The following BICD1 variants were observed in gnomAD, a reference collection of about 807,000 sequenced individuals.
BICD1 encodes the protein BICD cargo adaptor 1.
Under a neutral mutation model 92.5 loss-of-function variants are expected in BICD1, and 35 were observed. That is an observed-to-expected ratio of 0.38 (90% CI 0.29 to 0.50). The LOEUF is 0.50. Among genes scored for constraint, BICD1 ranks in the 20% least tolerant of loss-of-function variants. The pLI, the probability that BICD1 is intolerant of heterozygous loss-of-function variation, is 0.93. For synonymous variants in BICD1, 429 were observed against 465.1 expected, an observed-to-expected ratio of 0.92 and a Z score of 1.00; for missense variants, 950 against 1,189.8, an observed-to-expected ratio of 0.80 and a Z score of 2.97.
At chr12:32,121,763 A>T (rs1942158312) in intron 1 of BICD1, among the ~76,000 whole-genome samples, 1 of 151,466 alleles carries the variant, frequency 6.6e-6, no homozygotes, top group African/African-American at 2.4e-5. Context: ...AAGAAAACCT[A>T]CGGTTAATGA....
chr12:32,231,962 C>G (rs932126135), intron 2 of BICD1, among the ~76,000 whole-genome samples: 21 of 151,156 alleles, frequency 1.4e-4, no homozygotes, highest in Admixed American at 6.6e-5. Context: ...GTATGTGTGC[C>G]ACATTTTCTT....
At chr12:32,260,507 G>A (rs923944489) in intron 2 of BICD1, among the ~76,000 whole-genome samples, 3 of 152,156 alleles carry the variant, frequency 2.0e-5, no homozygotes, top group Non-Finnish European at 4.4e-5. Flanking sequence ...GCATGTGTGT[G>A]TGTCTGCATT....
At chr12:32,125,915 G>A (rs1418324807) in intron 1 of BICD1, among the ~76,000 whole-genome samples, 2 of 151,806 alleles carry the variant, frequency 1.3e-5, no homozygotes, top group Non-Finnish European at 2.9e-5. Context: ...CAGACATGGT[G>A]GCACACACTT....
chr12:32,114,980 A>G (rs1312900381), intron 1 of BICD1, among the ~76,000 whole-genome samples: 2 of 151,948 alleles, frequency 1.3e-5, no homozygotes, highest in African/African-American at 4.8e-5. Context: ...TTGAAGATGC[A>G]TTAGCATTTT....
chr12:32,340,667 G>A (rs1195321357), intron 8 of BICD1: 1 of 338,472 alleles, frequency 3.0e-6, no homozygotes, highest in African/African-American at 2.2e-5. Context: ...ACTTTATATT[G>A]TTATCATTAC....
At chr12:32,225,287 A>G (rs146926283) in intron 2 of BICD1, among the ~76,000 whole-genome samples, 1 of 152,324 alleles carries the variant, frequency 6.6e-6, no homozygotes, top group East Asian at 1.9e-4. Context: ...ATGTGTCAAT[A>G]GTTTGTTCCT....
At chr12:32,252,644 G>A (rs1046581562) in intron 2 of BICD1, among the ~76,000 whole-genome samples, 44 of 152,100 alleles carry the variant, frequency 2.9e-4, no homozygotes, top group African/African-American at 9.4e-4. Context: ...ATTTGCATCC[G>A]TGATGAGGTG....
chr12:32,300,692 G>T (rs1948018480), intron 3 of BICD1, among the ~76,000 whole-genome samples: 1 of 133,114 alleles, frequency 7.5e-6, no homozygotes, highest in Admixed American at 9.0e-5. Flanking sequence ...TGCCCAGGCT[G>T]GAGTGCAGTG....
chr12:32,295,547 C>T (rs1162106877), intron 3 of BICD1, among the ~76,000 whole-genome samples: 2 of 149,892 alleles, frequency 1.3e-5, no homozygotes, highest in Admixed American at 6.6e-5. Context: ...TTGGTATCTA[C>T]ATGATACACT....
At chr12:32,180,545 G>A (rs1306483923) in intron 1 of BICD1, among the ~76,000 whole-genome samples, 1 of 151,722 alleles carries the variant, frequency 6.6e-6, no homozygotes, top group Non-Finnish European at 1.5e-5. Flanking sequence ...GATTTCCTCG[G>A]CAAAGTTACC....
chr12:32,265,591 C>T (rs1946972019), intron 2 of BICD1, among the ~76,000 whole-genome samples: 2 of 150,678 alleles, frequency 1.3e-5, no homozygotes, highest in African/African-American at 4.9e-5. Context: ...GTGTCGCATG[C>T]CTCTAGTCTC....
intron 3 of BICD1, among the ~76,000 whole-genome samples, chr12:32,294,807 C>A (rs1400860026): frequency 6.6e-6 from 1 of 151,874 alleles, no homozygotes; most frequent in South Asian, 2.1e-4. Context: ...AGAGGCCGGG[C>A]GTGGTGGTTC....
intron 1 of BICD1, among the ~76,000 whole-genome samples, chr12:32,118,093 T>TTTATTTTA (rs1555126600): frequency 6.6e-6 from 1 of 150,434 alleles, no homozygotes; most frequent in African/African-American, 2.5e-5. Context: ...TTTTATTTAT[T>TTTATTTTA]TTTTTTGAGA....
intron 2 of BICD1, among the ~76,000 whole-genome samples, chr12:32,272,616 C>CT (rs1215620388): frequency 6.6e-6 from 1 of 152,120 alleles, no homozygotes; most frequent in Non-Finnish European, 1.5e-5. Flanking sequence ...GACAATAAAA[C>CT]TTGTTTATTC....
chr12:32,328,688 C>A lies in BICD1; in HGVS notation c.2100+133C>A. The A allele has an allele frequency of 1.6e-6, 2 of 1,219,458 alleles. No homozygotes were observed. Among genetic ancestry groups the A allele is most frequent in the Non-Finnish European group, 2.2e-6 (2 of 890,324 alleles). The allele number at this position is 1,219,458 out of a possible 1,614,324, so 75.5% of individuals were successfully genotyped here. ...TGGTAAGTGGATAAATAAAACTGTC[C>A]CAGTGCCAGATCAGAATGTCATAAT... On this transcript the variant is annotated intron_variant, in intron 5 of 9. Transcript: ENST00000652176. This position sits in a 1 kb window ranked among gnomAD's most constrained non-coding sequence, Gnocchi z 4.4.
chr12:32,306,642 C>T (rs1050214568), intron 4 of BICD1, among the ~76,000 whole-genome samples: 2 of 152,154 alleles, frequency 1.3e-5, no homozygotes, highest in African/African-American at 4.8e-5. Flanking sequence ...GAAATGCAGT[C>T]TCTCATTTGC....
intron 8 of BICD1, among the ~76,000 whole-genome samples, chr12:32,356,602 C>T (rs1447432792): frequency 6.6e-6 from 1 of 151,728 alleles, no homozygotes; most frequent in Non-Finnish European, 1.5e-5. Context: ...TACTGCACTC[C>T]AGCCTGGGTG....
chr12:32,344,347 C>T (rs953389021), intron 8 of BICD1, among the ~76,000 whole-genome samples: 2 of 152,170 alleles, frequency 1.3e-5, no homozygotes, highest in East Asian at 1.9e-4. Context: ...TAATAGAAAG[C>T]GAGGCTGCAA....
At chr12:32,309,270 A>G (rs1948314301) in intron 4 of BICD1, among the ~76,000 whole-genome samples, 1 of 152,194 alleles carries the variant, frequency 6.6e-6, no homozygotes, top group Admixed American at 6.5e-5. Context: ...AGTACTGTGC[A>G]CCTGAAGCAT....
Sources: allele counts gnomAD v4.1 joint callset (sites outside exome capture counted in the v4.1 genomes callset), GRCh38; gene constraint gnomAD v4.1.1; non-coding constraint Gnocchi (gnomAD v3.1); transcripts MANE v1.5; gene names NCBI Gene and HGNC (gene_info 2026-07-23, HGNC 2026-07-21).